Variants in MTAP observed in about 807,000 individuals in gnomAD.
The protein encoded by MTAP is S-methyl-5'-thioadenosine phosphorylase.
In MTAP, 33 loss-of-function variants were observed where a neutral mutation model predicts 33.6. The observed-to-expected ratio is 0.98, with a 90% CI of 0.74 to 1.31. MTAP has a LOEUF of 1.31. Ranked by LOEUF, MTAP falls within the 40% of genes most tolerant of loss-of-function variation. MTAP has a pLI of 0.00. For missense variants in MTAP, 367 were observed against 360.0 expected, an observed-to-expected ratio of 1.02 and a Z score of -0.16; for synonymous variants, 148 against 125.7, an observed-to-expected ratio of 1.18 and a Z score of -1.19.
intron 4 of MTAP, among the ~76,000 whole-genome samples, chr9:21,828,622 C>T (rs759003489): frequency 6.6e-6 from 1 of 152,094 alleles, no homozygotes; most frequent in Non-Finnish European, 1.5e-5. Flanking sequence ...TTACAGTGAA[C>T]CGAGATTGCT....
intron 1 of MTAP, among the ~76,000 whole-genome samples, chr9:21,907,521 C>T (rs1174608811): frequency 6.6e-6 from 1 of 152,204 alleles, no homozygotes; most frequent in African/African-American, 2.4e-5. Context: ...AGCACCACTG[C>T]ACTGCAGCCT....
At chr9:21,872,772 A>C (rs904490099) in intron 1 of MTAP, among the ~76,000 whole-genome samples, 1 of 152,192 alleles carries the variant, frequency 6.6e-6, no homozygotes, top group Non-Finnish European at 1.5e-5. Flanking sequence ...GAAAAGAGAG[A>C]AGTAGAAACA....
At chr9:21,908,674 T>C (rs1478285870) in intron 1 of MTAP, among the ~76,000 whole-genome samples, 3 of 152,072 alleles carry the variant, frequency 2.0e-5, no homozygotes, top group African/African-American at 7.2e-5. Context: ...TTTCCTCTAT[T>C]TGTTTTCTCT....
intron 1 of MTAP, among the ~76,000 whole-genome samples, chr9:21,880,804 C>G (rs1042591985): frequency 6.6e-6 from 1 of 152,020 alleles, no homozygotes; most frequent in African/African-American, 2.4e-5. Context: ...CACTGGAAGA[C>G]TTAATATTGT....
At chr9:21,913,308 C>T (rs1285697121) in intron 1 of MTAP, among the ~76,000 whole-genome samples, 1 of 152,152 alleles carries the variant, frequency 6.6e-6, no homozygotes, top group Non-Finnish European at 1.5e-5. Context: ...CAAAAAAGAG[C>T]CTGCACCGCC....
intron 4 of MTAP, among the ~76,000 whole-genome samples, chr9:21,826,745 T>C (rs1378126569): frequency 6.6e-6 from 1 of 151,840 alleles, no homozygotes; most frequent in East Asian, 1.9e-4. Flanking sequence ...CATTTAGAGG[T>C]AGTTGAAATC....
At chr9:21,834,255 C>G (rs1158689701) in intron 4 of MTAP, among the ~76,000 whole-genome samples, 1 of 152,156 alleles carries the variant, frequency 6.6e-6, no homozygotes, top group African/African-American at 2.4e-5. Flanking sequence ...ACTGATATAA[C>G]TGAGGTGCAG....
At position 21,864,200 on chromosome 9, in the gene MTAP, GACTA is replaced by G; in HGVS notation, c.*2192_*2195del. 1.0e-6 allele frequency: 1 copy of G among 985,358 alleles called. No homozygotes were observed. Among genetic ancestry groups the G allele is most frequent in the African/African-American group, 1.7e-5 (1 of 57,350 alleles). 61.0% of individuals were successfully genotyped at this position (985,358 alleles called of 1,614,324 possible). On this transcript the variant is annotated 3_prime_UTR_variant, in exon 8 of 8. Coordinates refer to ENST00000644715, the MANE Select transcript of MTAP (RefSeq NM_002451.4). ...GCCTTCTCTAGCAACATCATTTTCA[GACTA>G]ACTAAATGAATGCAGTATACTCTTT... is the stretch of plus-strand genomic sequence containing the variant.
chr9:21,817,896 A>C, intron 3 of MTAP, 139 bp from the exon 4 acceptor site: 1 of 748,880 alleles, frequency 1.3e-6, no homozygotes, highest in Non-Finnish European at 2.0e-6. Context: ...TTAGTTGCTC[A>C]CTGGACTGGG....
intron 1 of MTAP, among the ~76,000 whole-genome samples, chr9:21,897,218 A>T (rs1175928803): frequency 1.3e-5 from 2 of 152,212 alleles, no homozygotes; most frequent in Admixed American, 6.5e-5. Flanking sequence ...CTAGGTATTG[A>T]TGGGATGTAT....
intron 1 of MTAP, among the ~76,000 whole-genome samples, chr9:21,899,920 G>A (rs1303550989): frequency 2.0e-5 from 3 of 152,108 alleles, no homozygotes; most frequent in Non-Finnish European, 4.4e-5. Context: ...ACAAAAACAA[G>A]CAATGGGGAA....
At chr9:21,857,480 G>A (rs1266944597) in intron 6 of MTAP, among the ~76,000 whole-genome samples, 1 of 152,136 alleles carries the variant, frequency 6.6e-6, no homozygotes, top group Non-Finnish European at 1.5e-5. Flanking sequence ...TGTAATCCTT[G>A]TGTCCCTGAA....
intron 5 of MTAP, among the ~76,000 whole-genome samples, chr9:21,839,794 G>C (rs535802031): frequency 1.3e-5 from 2 of 152,134 alleles, no homozygotes; most frequent in African/African-American, 4.8e-5. Flanking sequence ...ATACTCAGTG[G>C]TTGTACCATA....
At chr9:21,852,867 T>C (rs911310336) in intron 5 of MTAP, among the ~76,000 whole-genome samples, 15 of 152,356 alleles carry the variant, frequency 9.8e-5, no homozygotes, top group Admixed American at 2.6e-4. Flanking sequence ...ACATTAAATC[T>C]GTTTAGGCTG....
Position 21,864,037 on chromosome 9 carries a change from T to TA in MTAP, c.*2024dup. 1 of 985,574 alleles carries TA rather than the reference T, an allele frequency of 1.0e-6. No individual in the cohort carries two copies. The highest frequency in any genetic ancestry group is 1.2e-6 in the Non-Finnish European group (1 of 829,922). 61.1% of individuals were successfully genotyped at this position (985,574 alleles called of 1,614,324 possible). A position where few individuals can be genotyped will look rare whatever the true frequency, so the allele number is the denominator to read the frequency against. On this transcript the variant is annotated 3_prime_UTR_variant, in exon 8 of 8. Transcript: ENST00000644715. ...TGTGATTGTTTTCACTACAATATGA[T>TA]ACATAGATGGTACCTTACTTTTCCT...
At chr9:21,881,694 C>T (rs962894621) in intron 1 of MTAP, among the ~76,000 whole-genome samples, 2 of 151,934 alleles carry the variant, frequency 1.3e-5, no homozygotes, top group African/African-American at 4.8e-5. Context: ...TCACTTCACA[C>T]CCATTACAAT....
chr9:21,839,188 TAAA>T (rs397727589), intron 5 of MTAP, among the ~76,000 whole-genome samples: 9 of 150,344 alleles, frequency 6.0e-5, no homozygotes, highest in African/African-American at 2.2e-4. Flanking sequence ...TTTTTTTTTT[TAAA>T]AAAGTGGCAG....
chr9:21,826,569 A>G (rs890205511), intron 4 of MTAP, among the ~76,000 whole-genome samples: 5 of 151,292 alleles, frequency 3.3e-5, no homozygotes, highest in Non-Finnish European at 7.4e-5. Flanking sequence ...TTGTCCCTTC[A>G]TAATGCGATC....
At chr9:21,930,759 G>A in intron 1 of MTAP, 1 of 704,210 alleles carries the variant, frequency 1.4e-6, no homozygotes, top group South Asian at 1.6e-5. Flanking sequence ...AGCTTTAGAT[G>A]AAAAATGTTG....
Sources: gnomAD v4.1 joint callset for allele counts (sites outside exome capture counted in the v4.1 genomes callset) on GRCh38, gnomAD v4.1.1 for gene constraint, MANE v1.5 for transcripts, NCBI Gene and HGNC (gene_info 2026-07-23, HGNC 2026-07-21) for gene names.